Variants in VPS13A observed in about 807,000 individuals in gnomAD.
VPS13A encodes vacuolar protein sorting 13 homolog A.
In VPS13A, 264 loss-of-function variants were observed where a neutral mutation model predicts 390.9. The observed-to-expected ratio is 0.68, with a 90% CI of 0.61 to 0.75. The LOEUF is 0.75. VPS13A is among the 30% of genes least tolerant of loss of function. VPS13A has a pLI of 0.00. For missense variants in VPS13A, 3,409 were observed against 3,733.9 expected (o/e 0.91, Z 2.27); for synonymous variants, 1,231 against 1,227.1 (o/e 1.00, Z -0.07).
At chr9:77,285,073 A>T (rs1228883715) in intron 31 of VPS13A, among the ~76,000 whole-genome samples, 1 of 152,196 alleles carries the variant, frequency 6.6e-6, no homozygotes, top group African/African-American at 2.4e-5. Flanking sequence ...AAATAAAAAA[A>T]ATCTTTCTCC....
chr9:77,348,717 G>C (rs777447871), intron 52 of VPS13A, among the ~76,000 whole-genome samples: 13 of 152,024 alleles, frequency 8.6e-5, no homozygotes, highest in Non-Finnish European at 1.5e-4. Context: ...TACATATGTA[G>C]ATTGCAGCAT....
intron 1 of VPS13A, among the ~76,000 whole-genome samples, chr9:77,195,797 T>G (rs1824965616): frequency 6.6e-6 from 1 of 152,064 alleles, no homozygotes; most frequent in Admixed American, 6.5e-5. Context: ...TTCCATTCTC[T>G]TTCACTTATC....
At chr9:77,352,454 C>T (rs941910483) in intron 53 of VPS13A, among the ~76,000 whole-genome samples, 2 of 151,904 alleles carry the variant, frequency 1.3e-5, no homozygotes, top group African/African-American at 4.8e-5. Context: ...AGAGGATTGC[C>T]TATAAGTGGC....
At position 77,292,149 on chromosome 9, in the gene VPS13A, C is replaced by A. The variant is rs145214874; in HGVS notation, c.3340-1192C>A. 5.7e-3 allele frequency among the ~76,000 whole-genome samples: 871 copies of A among 152,212 alleles called. 11 individuals are homozygous for A. The highest frequency in any genetic ancestry group is 0.02 in the African/African-American group (840 of 41,524). The stretch of plus-strand genomic sequence containing the variant: ...GCTCCTCACCTTTTCCAGGGTCATA[C>A]CAAGGAAAGCCTTCTCTTGTTTCCC... On this transcript the variant is annotated intron_variant, in intron 31 of 71. Transcript: ENST00000360280.
rs113906734 is a variant in VPS13A at position 77,244,162 on chromosome 9, C to T, written c.1901-3097C>T. 5.8e-3 allele frequency among the ~76,000 whole-genome samples: 878 copies of T among 152,190 alleles called. 12 individuals carry two copies. Among genetic ancestry groups the T allele is most frequent in the African/African-American group, 0.02 (847 of 41,516 alleles). ...CTGAGACTGGAGGATTGCTTGAGCC[C>T]GGGAGGTCAGGGCTGCAGTGAGCTA... On this transcript the variant is annotated intron_variant, in intron 19 of 71. Coordinates refer to ENST00000360280, the MANE Select transcript of VPS13A (RefSeq NM_033305.3).
chr9:77,318,568 C>T lies in VPS13A; in HGVS notation c.5290C>T (p.Leu1764=). The part of the protein sequence containing the change: ...EGKNWSSLIN[L]HCQLELEVHY... ...CAAAAACTGGAGTTCCCTAATAAATCTGCACTGTCAGCTTGAGCTAGAAGT... is the reference window on the plus strand; with the variant it reads ...CAAAAACTGGAGTTCCCTAATAAATTTGCACTGTCAGCTTGAGCTAGAAGT... The change falls in exon 41 of 72, where the codon CTG becomes TTG. Residue 1764 remains leucine (L), a synonymous_variant. Transcript: ENST00000360280. The T allele has an allele frequency of 6.2e-7, 1 of 1,613,720 alleles. No homozygotes were observed. Among genetic ancestry groups the T allele is most frequent in the Non-Finnish European group, 8.5e-7 (1 of 1,179,818 alleles).
At chr9:77,215,114 TG>T (rs1400757867) in intron 10 of VPS13A, among the ~76,000 whole-genome samples, 1 of 152,180 alleles carries the variant, frequency 6.6e-6, no homozygotes, top group African/African-American at 2.4e-5. Flanking sequence ...CACTCCAGCC[TG>T]GGTGACAGAG....
rs372360076 is a variant in VPS13A at position 77,177,689 on chromosome 9, A to C, written c.-16A>C. On this transcript the variant is annotated 5_prime_UTR_variant, in exon 1 of 72. Transcript: ENST00000360280. ...AGCGCACGGGCCGGCTGCCGTGCCCACCACGGCTGAGGAACATGGTTTTCG... is the reference window on the plus strand; with the variant it reads ...AGCGCACGGGCCGGCTGCCGTGCCCCCCACGGCTGAGGAACATGGTTTTCG... The C allele has an allele frequency of 1.9e-6, 3 of 1,611,306 alleles. No individual in the cohort carries two copies. The African/African-American group carries it at 4.0e-5, about 22-fold the overall frequency.
Position 77,228,308 on chromosome 9 carries a change from C to A in VPS13A, c.1595+44C>A, listed in dbSNP as rs530078945. 8.6e-6 allele frequency: 13 copies of A among 1,517,550 alleles called. No homozygotes were observed. The African/African-American group carries it at 1.7e-4, about 19-fold the overall frequency. 94.0% of individuals were successfully genotyped at this position (1,517,550 alleles called of 1,614,324 possible). A position where few individuals can be genotyped will look rare whatever the true frequency, so the allele number is the denominator to read the frequency against. ...TTTTTTATCATATATGAAAAAACTT[C>A]ACTGTGTTCTTAGACATTAGGTCAC... is the stretch of plus-strand genomic sequence containing the variant. On this transcript the variant is annotated intron_variant, in intron 17 of 71. Transcript: ENST00000360280.
chr9:77,199,218 G>C (rs1241551008), intron 1 of VPS13A, among the ~76,000 whole-genome samples: 1 of 151,764 alleles, frequency 6.6e-6, no homozygotes, highest in African/African-American at 2.4e-5. Context: ...TTAACATCAA[G>C]ATAGCAATGA....
Position 77,281,032 on chromosome 9 carries a change from G to A in VPS13A, c.2904+794G>A, listed in dbSNP as rs150674865. ...ATGCTAAGCAAAATAAGCCAAGCAC[G>A]GAAAGACAAATACCTCATGATCTTC... On this transcript the variant is annotated intron_variant, in intron 27 of 71. Transcript: ENST00000360280. 3.2e-3 allele frequency among the ~76,000 whole-genome samples: 486 copies of A among 152,144 alleles called. 2 individuals are homozygous for A. Among genetic ancestry groups the A allele is most frequent in the African/African-American group, 0.011 (445 of 41,514 alleles).
At chr9:77,294,455 T>C (rs573493561) in intron 32 of VPS13A, among the ~76,000 whole-genome samples, 1 of 152,328 alleles carries the variant, frequency 6.6e-6, no homozygotes, top group East Asian at 1.9e-4. Flanking sequence ...CTCAGTGTTT[T>C]AGTGTATGAA....
Position 77,305,180 on chromosome 9 carries a change from C to A in VPS13A, c.3960+2118C>A, listed in dbSNP as rs1828661219. ...GTCTTGATCTCCTGACCTCGTGATC[C>A]ACCCCCCTTGGCCTCCCAAAGTGCT... On this transcript the variant is annotated intron_variant, in intron 34 of 71. Transcript: ENST00000360280. Among the ~76,000 whole-genome samples the A allele has an allele frequency of 3.3e-5, 5 of 152,190 alleles. No individual in the cohort carries two copies. The South Asian group carries it at 1.0e-3, about 32-fold the overall frequency.
At chr9:77,355,848 A>G (rs951922073) in intron 54 of VPS13A, among the ~76,000 whole-genome samples, 2 of 152,168 alleles carry the variant, frequency 1.3e-5, no homozygotes, top group African/African-American at 4.8e-5. Flanking sequence ...CTTTTCTAGT[A>G]TCTCACTGTT....
At chr9:77,248,651 G>T (rs2131263496) in intron 20 of VPS13A, among the ~76,000 whole-genome samples, 1 of 152,116 alleles carries the variant, frequency 6.6e-6, no homozygotes, top group African/African-American at 2.4e-5. Context: ...AAATTAATTA[G>T]AATTAAAATT....
chr9:77,410,092 A>G (rs539140076), intron 71 of VPS13A, among the ~76,000 whole-genome samples: 336 of 152,302 alleles, frequency 2.2e-3, no homozygotes, highest in Non-Finnish European at 4.1e-3. Flanking sequence ...CTAATAGCTG[A>G]TCTCTCAGCA....
intron 23 of VPS13A, among the ~76,000 whole-genome samples, chr9:77,265,997 C>G (rs1020603763): frequency 3.9e-5 from 6 of 152,144 alleles, no homozygotes; most frequent in African/African-American, 1.4e-4. Flanking sequence ...CTGGTTGTGT[C>G]TTTGTTCTCA....
intron 10 of VPS13A, among the ~76,000 whole-genome samples, chr9:77,215,941 C>T (rs1337004069): frequency 1.3e-5 from 2 of 152,220 alleles, no homozygotes; most frequent in Non-Finnish European, 2.9e-5. Flanking sequence ...CATCTGGCTG[C>T]ATCTAGCTGC....
At position 77,289,613 on chromosome 9, in the gene VPS13A, A is replaced by T. The variant is rs547460629; in HGVS notation, c.3340-3728A>T. 2.0e-5 allele frequency among the ~76,000 whole-genome samples: 3 copies of T among 152,194 alleles called. No homozygotes were observed. In the East Asian group the frequency reaches 5.8e-4, roughly 29 times the overall value. ...ATCATAATTTGCTTTACTTTGGTGC[A>T]TGTTGAAAACTCACAATGTGTACCT... On this transcript the variant is annotated intron_variant, in intron 31 of 71. Coordinates refer to ENST00000360280, the MANE Select transcript of VPS13A (RefSeq NM_033305.3).
Sources: allele counts gnomAD v4.1 joint callset (sites outside exome capture counted in the v4.1 genomes callset), GRCh38; gene constraint gnomAD v4.1.1; transcripts MANE v1.5; gene names NCBI Gene and HGNC (gene_info 2026-07-23, HGNC 2026-07-21).